Variants in DACH2 observed in about 807,000 individuals in gnomAD.
The protein encoded by DACH2 is dachshund family transcription factor 2.
DACH2 carries 17 observed loss-of-function variants against 35.8 expected under a neutral mutation model. The ratio of observed to expected loss-of-function variants is 0.48; its 90% CI spans 0.33 to 0.71. The LOEUF (loss-of-function observed/expected upper bound fraction) is 0.71. Ranked by LOEUF, DACH2 falls within the 30% of genes least tolerant of loss-of-function variation. DACH2 has a pLI of 0.02. For synonymous variants in DACH2, 195 were observed against 177.3 expected (o/e 1.10, Z -0.79); for missense variants, 469 against 472.7 (o/e 0.99, Z 0.07).
intron 2 of DACH2, among the ~76,000 whole-genome samples, chrX:86,467,099 G>T (rs1033030851): frequency 2.7e-5 from 3 of 112,024 alleles, no homozygotes; most frequent in Non-Finnish European, 3.8e-5. Flanking sequence ...TTTCTCCTCA[G>T]AAAATGAGTT....
chrX:86,793,117 G>A (rs1239710201), intron 7 of DACH2, among the ~76,000 whole-genome samples: 1 of 110,845 alleles, frequency 9.0e-6, no homozygotes, highest in Non-Finnish European at 1.9e-5. Flanking sequence ...GATAATTAGT[G>A]ATGTGGAGCC....
At chrX:86,160,970 C>T (rs554133907) in intron 1 of DACH2, 70 of 850,651 alleles carry the variant, frequency 8.2e-5, no homozygotes, top group East Asian at 2.5e-4. Context: ...GAGCCTCAAG[C>T]AGCGTGGTTC....
intron 2 of DACH2, among the ~76,000 whole-genome samples, chrX:86,439,367 G>T (rs1031979892): frequency 9.0e-6 from 1 of 111,645 alleles, no homozygotes; most frequent in African/African-American, 3.3e-5. Context: ...CCATTGTGTT[G>T]GTTATTTCCT....
chrX:86,787,584 C>T (rs1355341761), intron 7 of DACH2, among the ~76,000 whole-genome samples: 1 of 104,069 alleles, frequency 9.6e-6, no homozygotes, highest in African/African-American at 3.5e-5. Flanking sequence ...CACCATTGCA[C>T]TCCATCCTGG....
chrX:86,703,107 G>A (rs1280573680), intron 5 of DACH2, among the ~76,000 whole-genome samples: 1 of 111,122 alleles, frequency 9.0e-6, no homozygotes, highest in African/African-American at 3.3e-5. Flanking sequence ...ATACAGTGAT[G>A]GGTCAATGTA....
At chrX:86,442,992 T>C (rs1325042943) in intron 2 of DACH2, among the ~76,000 whole-genome samples, 1 of 112,176 alleles carries the variant, frequency 8.9e-6, no homozygotes, top group African/African-American at 3.2e-5. Context: ...GTAATATATT[T>C]GGAAGTCAGG....
At chrX:86,683,069 A>T (rs2040900392) in intron 4 of DACH2, among the ~76,000 whole-genome samples, 1 of 111,061 alleles carries the variant, frequency 9.0e-6, no homozygotes, top group Non-Finnish European at 1.9e-5. Flanking sequence ...TAAAATGATT[A>T]TTTTTTTCTT....
At chrX:86,374,582 C>T (rs1395998730) in intron 1 of DACH2, among the ~76,000 whole-genome samples, 1 of 110,936 alleles carries the variant, frequency 9.0e-6, no homozygotes, top group African/African-American at 3.3e-5. Context: ...ATTGTATCTG[C>T]CACAACGTTC....
At chrX:86,271,734 A>G (rs2033816188) in intron 1 of DACH2, among the ~76,000 whole-genome samples, 1 of 112,076 alleles carries the variant, frequency 8.9e-6, no homozygotes, top group African/African-American at 3.2e-5. Context: ...AAAATATGTT[A>G]CCTTAAATTT....
chrX:86,336,295 A>G (rs1301800865), intron 1 of DACH2, among the ~76,000 whole-genome samples: 4 of 111,721 alleles, frequency 3.6e-5, no homozygotes, highest in African/African-American at 1.3e-4. Flanking sequence ...CTCTTTTTCT[A>G]TTGTTTGGAA....
At chrX:86,186,476 C>A (rs1292864795) in intron 1 of DACH2, among the ~76,000 whole-genome samples, 1 of 111,950 alleles carries the variant, frequency 8.9e-6, no homozygotes, top group East Asian at 2.8e-4. Flanking sequence ...GAAATAGAAT[C>A]ATTGAGCCTA....
At chrX:86,613,432 AC>A (rs2148371105) in intron 3 of DACH2, among the ~76,000 whole-genome samples, 1 of 111,437 alleles carries the variant, frequency 9.0e-6, no homozygotes, top group East Asian at 2.8e-4. Context: ...ATTAAAAAAA[AC>A]TTTATTCCTT....
chrX:86,615,799 G>A (rs1245962658), intron 3 of DACH2, among the ~76,000 whole-genome samples: 1 of 110,721 alleles, frequency 9.0e-6, no homozygotes, highest in Non-Finnish European at 1.9e-5. Flanking sequence ...AGGTTCAGGG[G>A]TACATGTGCA....
At chrX:86,779,522 A>G (rs998672252) in intron 7 of DACH2, among the ~76,000 whole-genome samples, 1 of 111,793 alleles carries the variant, frequency 8.9e-6, no homozygotes, top group Non-Finnish European at 1.9e-5. Context: ...AAGGATTCTG[A>G]ACAGAAAAGA....
At chrX:86,822,238 T>C (rs1380241060) in intron 11 of DACH2, among the ~76,000 whole-genome samples, 1 of 112,324 alleles carries the variant, frequency 8.9e-6, no homozygotes, top group Admixed American at 9.5e-5. Flanking sequence ...ATCATTTTCA[T>C]AGTACCTTAA....
At chrX:86,792,764 C>T (rs1002726022) in intron 7 of DACH2, among the ~76,000 whole-genome samples, 4 of 111,747 alleles carry the variant, frequency 3.6e-5, no homozygotes, top group South Asian at 3.7e-4. Flanking sequence ...TTTTCTTTAT[C>T]CATTCATCCC....
intron 7 of DACH2, among the ~76,000 whole-genome samples, chrX:86,776,170 A>C (rs2147301261): frequency 8.9e-6 from 1 of 112,131 alleles, no homozygotes; most frequent in South Asian, 3.7e-4. Flanking sequence ...TGCTATAACA[A>C]GAATACCATA....
At chrX:86,502,003 T>TTTTCCTTCCTTCC (rs1231468028) in intron 2 of DACH2, among the ~76,000 whole-genome samples, 27 of 84,731 alleles carry the variant, frequency 3.2e-4, no homozygotes, top group Admixed American at 1.1e-3. Context: ...ATAATCCTTC[T>TTTTCCTTCCTTCC]TTCCTTCTTT....
intron 11 of DACH2, among the ~76,000 whole-genome samples, chrX:86,821,813 C>T (rs1047234847): frequency 3.6e-5 from 4 of 111,683 alleles, no homozygotes; most frequent in Non-Finnish European, 7.5e-5. Flanking sequence ...AGATCAAAGA[C>T]GTGCAGTTCT....
Sources: gnomAD v4.1 joint callset for allele counts (sites outside exome capture counted in the v4.1 genomes callset) on GRCh38, gnomAD v4.1.1 for gene constraint, MANE v1.5 for transcripts, NCBI Gene and HGNC (gene_info 2026-07-23, HGNC 2026-07-21) for gene names.